The following FARP2 variants were observed in gnomAD, a reference collection of about 807,000 sequenced individuals.
FARP2 encodes the protein FERM, ARHGEF and pleckstrin domain-containing protein 2.
FARP2 carries 111 observed loss-of-function variants against 130.5 expected under a neutral mutation model. The observed-to-expected ratio is 0.85, with a 90% CI of 0.73 to 1.00. The LOEUF (loss-of-function observed/expected upper bound fraction) is 1.00. FARP2 is among the 50% of genes least tolerant of loss of function. The pLI is 0.00. For synonymous variants in FARP2, 504 were observed against 516.9 expected, an observed-to-expected ratio of 0.98 and a Z score of 0.34; for missense variants, 1,385 against 1,346.3, an observed-to-expected ratio of 1.03 and a Z score of -0.45.
chr2:241,466,728 G>T (rs919975074), intron 17 of FARP2: 4 of 436,574 alleles, frequency 9.2e-6, no homozygotes, highest in Admixed American at 1.3e-4. Flanking sequence ...CCTCCTAGGG[G>T]CTTCCAGAGC....
intron 2 of FARP2, among the ~76,000 whole-genome samples, chr2:241,379,410 G>T (rs759507605): frequency 6.6e-6 from 1 of 152,158 alleles, no homozygotes; most frequent in Non-Finnish European, 1.5e-5. Flanking sequence ...GAGCATGAGG[G>T]TTTTCTTCAT....
At chr2:241,484,854 T>C (rs988298902) in intron 21 of FARP2, among the ~76,000 whole-genome samples, 2 of 152,284 alleles carry the variant, frequency 1.3e-5, no homozygotes, top group African/African-American at 4.8e-5. Context: ...CATGCAGCTC[T>C]AGAGGCTATG....
chr2:241,476,124 A>T, intron 19 of FARP2, 137 bp downstream of exon 19: 1 of 692,708 alleles, frequency 1.4e-6, no homozygotes, highest in South Asian at 2.0e-5. Flanking sequence ...TGTAATCTGA[A>T]TACTTTGGGA....
At chr2:241,465,367 T>A in intron 17 of FARP2, 1 of 953,322 alleles carries the variant, frequency 1.0e-6, no homozygotes, top group Non-Finnish European at 1.7e-6. Context: ...GCAGGACCTG[T>A]TCAGGGCAGA....
Position 241,441,463 on chromosome 2 carries a change from C to A in FARP2, c.1318C>A (p.Pro440Thr), listed in dbSNP as rs1553724749. The A allele has an allele frequency of 1.9e-6, 3 of 1,614,196 alleles. No homozygotes were observed. ...TCCCCAGGTTTCCTACGTCAAGAGT[C>A]CAGCTGCAGAGAGGCGCAGTGGAGC... ...TDPQVSYVKS[P>T]AAERRSGAVA... The change falls in exon 13 of 27, where the codon CCA (proline) becomes ACA (threonine). Residue 440 changes from proline (P) to threonine (T), a missense_variant. Pro to Thr is a conservative substitution (Grantham distance 38). Coordinates refer to ENST00000264042, the MANE Select transcript of FARP2 (RefSeq NM_014808.4).
At position 241,492,300 on chromosome 2, in the gene FARP2, G is replaced by A. The variant is rs777539611; in HGVS notation, c.2787+621G>A. Among the ~76,000 whole-genome samples, 4 of 152,218 alleles carry A rather than the reference G, an allele frequency of 2.6e-5. No homozygotes were observed. The East Asian group carries it at 5.8e-4, about 22-fold the overall frequency. On this transcript the variant is annotated intron_variant, in intron 24 of 26. Transcript: ENST00000264042. Reference sequence around the variant, plus strand: ...CGAGCCTCTCCCCTGATGACCCTGGGTAGGTCAGGGTGCAGCAGGTCCCTG... The same window carrying A: ...CGAGCCTCTCCCCTGATGACCCTGGATAGGTCAGGGTGCAGCAGGTCCCTG...
intron 20 of FARP2, 68 bp downstream of exon 20, chr2:241,483,601 A>G: frequency 6.6e-7 from 1 of 1,513,270 alleles, no homozygotes; most frequent in Non-Finnish European, 9.2e-7. Flanking sequence ...TGTTAGGGAC[A>G]TCGCCTGCAG....
At chr2:241,365,541 T>C (rs2061284695) in intron 1 of FARP2, among the ~76,000 whole-genome samples, 1 of 152,242 alleles carries the variant, frequency 6.6e-6, no homozygotes, top group African/African-American at 2.4e-5. Context: ...GATAACATCA[T>C]ACCTTATAGA....
At chr2:241,377,927 C>G (rs2061575299) in intron 2 of FARP2, among the ~76,000 whole-genome samples, 1 of 152,088 alleles carries the variant, frequency 6.6e-6, no homozygotes, top group Admixed American at 6.6e-5. Flanking sequence ...AAAGGAACTG[C>G]CAGACTGTTT....
intron 21 of FARP2, among the ~76,000 whole-genome samples, chr2:241,485,182 C>T (rs780553982): frequency 1.5e-4 from 22 of 146,742 alleles, no homozygotes; most frequent in Non-Finnish European, 2.4e-4. Context: ...TCCCTCCCTC[C>T]CCAAGGTCCT....
intron 8 of FARP2, among the ~76,000 whole-genome samples, chr2:241,418,516 C>T (rs2062733542): frequency 1.3e-5 from 2 of 152,126 alleles, no homozygotes; most frequent in South Asian, 4.1e-4. Flanking sequence ...TGGATGTGAT[C>T]TGGGCTGGAC....
intron 2 of FARP2, among the ~76,000 whole-genome samples, chr2:241,399,156 A>C (rs545009419): frequency 6.6e-6 from 1 of 151,926 alleles, no homozygotes; most frequent in Non-Finnish European, 1.5e-5. Context: ...ATATTGTCCA[A>C]CTTTTCTTGT....
rs576309473 is a variant in FARP2 at position 241,426,622 on chromosome 2, G to A, written c.772-5057G>A. On this transcript the variant is annotated intron_variant, in intron 8 of 26. Transcript: ENST00000264042. ...AAGGCAGCCAAGAGAGGTGAAGCTG[G>A]TTCTGTCTGAGGAAGAGGACTTGAT... is the stretch of plus-strand genomic sequence containing the variant. Among the ~76,000 whole-genome samples the A allele has an allele frequency of 1.6e-3, 241 of 152,330 alleles. 2 individuals are homozygous for A. Among genetic ancestry groups the A allele is most frequent in the African/African-American group, 5.5e-3 (229 of 41,576 alleles).
At chr2:241,362,901 A>G (rs571320300) in intron 1 of FARP2, among the ~76,000 whole-genome samples, 11 of 152,382 alleles carry the variant, frequency 7.2e-5, no homozygotes, top group South Asian at 4.1e-4. Context: ...GATAACCACT[A>G]TAAATGTATT....
At chr2:241,382,366 C>T (rs941937685) in intron 2 of FARP2, among the ~76,000 whole-genome samples, 12 of 150,076 alleles carry the variant, frequency 8.0e-5, no homozygotes, top group African/African-American at 2.9e-4. Flanking sequence ...GCAATCCAAC[C>T]TCCGCCTCCT....
intron 1 of FARP2, among the ~76,000 whole-genome samples, chr2:241,365,894 G>A (rs981094550): frequency 8.0e-5 from 12 of 150,212 alleles, no homozygotes; most frequent in Admixed American, 4.6e-4. Flanking sequence ...ACTAAACACC[G>A]TGTACAGTTT....
chr2:241,432,407 G>A (rs1226436733), intron 9 of FARP2, among the ~76,000 whole-genome samples: 1 of 152,162 alleles, frequency 6.6e-6, no homozygotes, highest in African/African-American at 2.4e-5. Flanking sequence ...CAAGCTCCTA[G>A]GGGTTGCTAA....
chr2:241,444,823 A>AAAAAT (rs2063475793), intron 13 of FARP2: 1 of 152,178 alleles, frequency 6.6e-6, no homozygotes, highest in East Asian at 1.9e-4. Flanking sequence ...ACAAAGCAGG[A>AAAAAT]ATGTAAGGAA....
intron 2 of FARP2, among the ~76,000 whole-genome samples, chr2:241,376,375 C>T (rs1031842458): frequency 6.6e-6 from 1 of 152,180 alleles, no homozygotes; most frequent in Admixed American, 6.5e-5. Context: ...GATGAGAGAG[C>T]GGCCAGGAAT....
Sources: gnomAD v4.1 joint callset for allele counts (sites outside exome capture counted in the v4.1 genomes callset) on GRCh38, gnomAD v4.1.1 for gene constraint, MANE v1.5 for transcripts, NCBI Gene and HGNC (gene_info 2026-07-23, HGNC 2026-07-21) for gene names.